The following SREBF1 variants were observed in gnomAD, a reference collection of about 807,000 sequenced individuals.
SREBF1 encodes sterol regulatory element-binding protein 1.
A neutral mutation model predicts 100.1 loss-of-function variants in SREBF1; 45 were observed. The observed-to-expected ratio is 0.45, with a 90% CI of 0.35 to 0.58. SREBF1 has a LOEUF of 0.58. Ranked by LOEUF, SREBF1 falls within the 20% of genes least tolerant of loss-of-function variation. The pLI, the probability that SREBF1 is intolerant of heterozygous loss-of-function variation, is 0.00. For synonymous variants in SREBF1, 657 were observed against 681.8 expected (o/e 0.96, Z 0.57); for missense variants, 1,324 against 1,539.4 (o/e 0.86, Z 2.34).
At position 17,812,328 on chromosome 17, in the gene SREBF1, G is replaced by GA. The variant is rs1430424954; in HGVS notation, c.*293dup. 7.4e-6 allele frequency: 4 copies of GA among 543,670 alleles called. No individual in the cohort carries two copies. Among genetic ancestry groups the GA allele is most frequent in the African/African-American group, 3.8e-5 (2 of 52,226 alleles). 33.7% of individuals were successfully genotyped at this position (543,670 alleles called of 1,614,324 possible). On this transcript the variant is annotated 3_prime_UTR_variant, in exon 19 of 19. Transcript: ENST00000261646. ...CCCCTCTCTTCCCTGTACACAGGAGGAAAAAAGCCACTAAGGTGCCTGCAG... is the reference window on the plus strand; with the variant it reads ...CCCCTCTCTTCCCTGTACACAGGAGGAAAAAAAGCCACTAAGGTGCCTGCAG...
chr17:17,830,310 T>C (rs929442201), intron 1 of SREBF1, among the ~76,000 whole-genome samples: 1 of 152,254 alleles, frequency 6.6e-6, no homozygotes, highest in Non-Finnish European at 1.5e-5. Flanking sequence ...ATTATAGGCG[T>C]GAGCCACTGC....
At chr17:17,820,688 C>T (rs532160308) in intron 1 of SREBF1, 167 bp from the exon 2 acceptor site, 169 of 762,326 alleles carry the variant, frequency 2.2e-4, no homozygotes, top group Non-Finnish European at 3.4e-4. Flanking sequence ...CTGGTGTTCC[C>T]GGACATACAG....
chr17:17,836,244 G>A (rs2035219914), intron 1 of SREBF1, among the ~76,000 whole-genome samples: 1 of 152,282 alleles, frequency 6.6e-6, no homozygotes. Context: ...CACGAGGCGG[G>A]GGAAGGGCGC....
chr17:17,814,307 T>C lies in SREBF1; in HGVS notation c.2839A>G (p.Lys947Glu). 6.2e-7 allele frequency: 1 copy of C among 1,600,408 alleles called. No individual in the cohort carries two copies. Among genetic ancestry groups the C allele is most frequent in the Non-Finnish European group, 8.5e-7 (1 of 1,174,228 alleles). The part of the protein sequence containing the change: ...SGPASLTICE[K>E]ASGYLQDSLA... ...CTGTCCTGCAGGTACCCACTGGCCT[T>C]CTCACAGATGGTCAGGCTGGCTGGA... Residue 947 changes from lysine (K) to glutamate (E), a missense_variant, in exon 16 of 19, where the codon AAG (lysine) becomes GAG (glutamate). Physicochemically the swap from Lys to Glu is moderately conservative, Grantham distance 56. Coordinates refer to ENST00000261646, the MANE Select transcript of SREBF1 (RefSeq NM_004176.5).
At chr17:17,827,188 C>T (rs1053880489) in intron 1 of SREBF1, among the ~76,000 whole-genome samples, 6 of 152,290 alleles carry the variant, frequency 3.9e-5, no homozygotes, top group South Asian at 2.1e-4. Context: ...GAGGCCAGGA[C>T]GGCCACCAAG....
Position 17,817,893 on chromosome 17 carries a change from C to A in SREBF1, c.1207G>T (p.Ala403Ser), listed in dbSNP as rs1176431528. The A allele has an allele frequency of 1.2e-6, 2 of 1,601,874 alleles. No individual in the cohort carries two copies. Among genetic ancestry groups the A allele is most frequent in the South Asian group, 2.2e-5 (2 of 91,078 alleles). Residue 403 changes from alanine (A) to serine (S), a missense_variant, in exon 7 of 19, where the codon GCC (alanine) becomes TCC (serine). Physicochemically the swap from Ala to Ser is moderately conservative, Grantham distance 99 (BLOSUM62 1). Transcript: ENST00000261646. This position sits in a 1 kb window ranked among gnomAD's most constrained non-coding sequence, Gnocchi z 6.6. ...KSKSLKDLVS[A>S]CGSGGNTDVL... is the part of the protein sequence containing the mutation. The stretch of plus-strand genomic sequence containing the variant: ...TCTGTGTTCCCTCCACTGCCACAGG[C>A]CGACACCAGATCCTTCAGAGATTCT...
intron 12 of SREBF1, 97 bp from the exon 13 acceptor site, chr17:17,815,426 G>A: frequency 4.0e-6 from 4 of 1,006,524 alleles, no homozygotes; most frequent in Non-Finnish European, 6.2e-6. Context: ...CCACACCTAG[G>A]GCCACTGGGA....
Position 17,816,509 on chromosome 17 carries a change from G to A in SREBF1, c.1995C>T (p.Ser665=), listed in dbSNP as rs572574921. 1.7e-5 allele frequency: 27 copies of A among 1,602,920 alleles called. No individual in the cohort carries two copies. The Admixed American group carries it at 1.7e-4, about 10-fold the overall frequency. The change falls in exon 10 of 19, where the codon AGC becomes AGT. Residue 665 remains serine, a synonymous_variant. Transcript: ENST00000261646. ...GGTAGACCAGGGCTGCGTCTCGGGCGCTGGCGCTAGCATCCACTCGCAGAG... is the reference window on the plus strand; with the variant it reads ...GGTAGACCAGGGCTGCGTCTCGGGCACTGGCGCTAGCATCCACTCGCAGAG... ...DCALRVDASA[S]ARDAALVYHK... is the part of the protein sequence containing the mutation.
intron 1 of SREBF1, among the ~76,000 whole-genome samples, chr17:17,836,441 C>A (rs2035241464): frequency 6.6e-6 from 1 of 152,230 alleles, no homozygotes. Context: ...TCGGGCGGCA[C>A]CCGGCCTGGG....
chr17:17,820,148 C>A lies in SREBF1; in HGVS notation c.465G>T (p.Pro155=). Residue 155 remains proline (P), a synonymous_variant, in exon 2 of 19, where the codon CCG becomes CCT. Coordinates refer to ENST00000261646, the MANE Select transcript of SREBF1 (RefSeq NM_004176.5). ...CTAACACAGGGGTGGAGCTGAACTG[C>A]GGTGGGGCTGGGGCTGGGAAGCTCT... ...LPQSFPAPAP[P]QFSSTPVLGY... The A allele has an allele frequency of 6.2e-7, 1 of 1,612,844 alleles. No homozygotes were observed. The highest frequency in any genetic ancestry group is 8.5e-7 in the Non-Finnish European group (1 of 1,179,638).
At chr17:17,823,299 C>T (rs1477139444) in intron 1 of SREBF1, among the ~76,000 whole-genome samples, 2 of 152,198 alleles carry the variant, frequency 1.3e-5, no homozygotes, top group African/African-American at 4.8e-5. Context: ...GCTTTTGGGT[C>T]TCTAAGCAAA....
chr17:17,829,203 A>ATAT (rs1555572767), intron 1 of SREBF1, among the ~76,000 whole-genome samples: 4 of 36,126 alleles, frequency 1.1e-4, no homozygotes, highest in African/African-American at 4.4e-4. Flanking sequence ...AAAAAAAAAA[A>ATAT]AAATATATAT....
In SREBF1 at chr17:17,825,913, T is replaced by C. The variant is rs113203245; in HGVS notation, c.92-5392A>G. 3.8e-3 allele frequency among the ~76,000 whole-genome samples: 585 copies of C among 152,280 alleles called. 3 individuals are homozygous for C. Among genetic ancestry groups the C allele is most frequent in the African/African-American group, 0.014 (562 of 41,542 alleles). ...TTACAGGCATGAGTCACCGTGCCAA[T>C]TTCTGTGGAAGCTGGTCACCAGGTT... On this transcript the variant is annotated intron_variant, in intron 1 of 18. Transcript: ENST00000261646.
In SREBF1 at chr17:17,811,943, TC is replaced by T. The variant is rs1233226439; in HGVS notation, c.*678del. On this transcript the variant is annotated 3_prime_UTR_variant, in exon 19 of 19. Transcript: ENST00000261646. Reference sequence around the variant, plus strand: ...CACTCCTCCCACTAACAAACAAACATCGGGAAGAGCTAAGTTAAAAGTTGTG... The same window carrying T: ...CACTCCTCCCACTAACAAACAAACATGGGAAGAGCTAAGTTAAAAGTTGTG... The T allele has an allele frequency of 6.7e-6, 3 of 446,416 alleles. No homozygotes were observed. Among genetic ancestry groups the T allele is most frequent in the South Asian group, 4.8e-5 (3 of 63,040 alleles). The allele number at this position is 446,416 out of a possible 1,614,324, so 27.7% of individuals were successfully genotyped here. A position where few individuals can be genotyped will look rare whatever the true frequency, so the allele number is the denominator to read the frequency against.
In SREBF1 at chr17:17,815,848, G is replaced by T; in HGVS notation, c.2383+12C>A. The T allele has an allele frequency of 6.2e-7, 1 of 1,610,698 alleles. No homozygotes were observed. The highest frequency in any genetic ancestry group is 8.5e-7 in the Non-Finnish European group (1 of 1,178,906). On this transcript the variant is annotated intron_variant, in intron 12 of 18. Coordinates refer to ENST00000261646, the MANE Select transcript of SREBF1 (RefSeq NM_004176.5). ...GGACAGGAGAGGGGACAGGGAAGGGGTAAGAGAGCACCTGGGTTCCCGGCC... is the reference window on the plus strand; with the variant it reads ...GGACAGGAGAGGGGACAGGGAAGGGTTAAGAGAGCACCTGGGTTCCCGGCC...
chr17:17,819,474 GGC>G lies in SREBF1; in HGVS notation c.712-22_712-21del. On this transcript the variant is annotated intron_variant, in intron 3 of 18. Transcript: ENST00000261646. Reference sequence around the variant, plus strand: ...CAGGACCTGAGGGTGGGAGAGGCTTGGCTGTAAGCTGTGTGTCTGGGCTGGGG... The same window carrying G: ...CAGGACCTGAGGGTGGGAGAGGCTTGTGTAAGCTGTGTGTCTGGGCTGGGG... The G allele has an allele frequency of 6.2e-7, 1 of 1,613,356 alleles. No individual in the cohort carries two copies. The highest frequency in any genetic ancestry group is 8.5e-7 in the Non-Finnish European group (1 of 1,180,036).
intron 18 of SREBF1, chr17:17,813,151 C>G: frequency 1.7e-6 from 1 of 601,276 alleles, no homozygotes; most frequent in East Asian, 2.8e-5. Context: ...TTTTTTGAGA[C>G]AGGGACTCTC....
chr17:17,816,223 G>A lies in SREBF1; in HGVS notation c.2198C>T (p.Ala733Val). The A allele has an allele frequency of 1.2e-6, 1 of 838,226 alleles. No homozygotes were observed. Among genetic ancestry groups the A allele is most frequent in the South Asian group, 2.5e-5 (1 of 40,670 alleles). 51.9% of individuals were successfully genotyped at this position (838,226 alleles called of 1,614,324 possible). A position where few individuals can be genotyped will look rare whatever the true frequency, so the allele number is the denominator to read the frequency against. Residue 733 changes from alanine (A) to valine (V), a missense_variant, in exon 11 of 19, where the codon GCC becomes GTC. Coordinates refer to ENST00000261646, the MANE Select transcript of SREBF1 (RefSeq NM_004176.5). ...ALRVKTSLPR[A>V]LHFLTRFFLS... ...CCCACTCACTGTCAGAAAATGCAAGGCCCGTGGGAGACTGGTCTTCACTCT... is the reference window on the plus strand; with the variant it reads ...CCCACTCACTGTCAGAAAATGCAAGACCCGTGGGAGACTGGTCTTCACTCT...
intron 6 of SREBF1, 170 bp downstream of exon 6, chr17:17,818,090 G>A (rs1325288497): frequency 3.9e-6 from 3 of 765,606 alleles, no homozygotes; most frequent in African/African-American, 3.6e-5. Context: ...AGGACCAGAG[G>A]TAACCAAGGG....
Sources: gnomAD v4.1 joint callset for allele counts (sites outside exome capture counted in the v4.1 genomes callset) on GRCh38, gnomAD v4.1.1 for gene constraint, Gnocchi (gnomAD v3.1) non-coding constraint, MANE v1.5 for transcripts, NCBI Gene and HGNC (gene_info 2026-07-23, HGNC 2026-07-21) for gene names.